The following NIPSNAP3B variants were observed in gnomAD, a reference collection of about 807,000 sequenced individuals.
NIPSNAP3B encodes the protein protein NipSnap homolog 3B.
A neutral mutation model predicts 31.5 loss-of-function variants in NIPSNAP3B; 30 were observed. The ratio of observed to expected loss-of-function variants is 0.95; its 90% CI spans 0.71 to 1.29. The LOEUF (loss-of-function observed/expected upper bound fraction) is 1.29. Among genes scored for constraint, NIPSNAP3B ranks in the 50% most tolerant of loss-of-function variants. NIPSNAP3B has a pLI of 0.00. For synonymous variants in NIPSNAP3B, 106 were observed against 107.9 expected (o/e 0.98, Z 0.11); for missense variants, 269 against 300.7 (o/e 0.89, Z 0.78).
Position 104,764,235 on chromosome 9 carries a change from C to A in NIPSNAP3B, c.-6C>A. The stretch of plus-strand genomic sequence containing the variant: ...TGGCTGCTTTTCTCAGTGCCGAAGC[C>A]GCGCCATGCTCGTTCTCAGAAGCGG... On this transcript the variant is annotated 5_prime_UTR_variant, in exon 1 of 6. Transcript: ENST00000374762. 1 of 1,601,278 alleles carries A rather than the reference C, an allele frequency of 6.2e-7. No individual in the cohort carries two copies. The highest frequency in any genetic ancestry group is 8.5e-7 in the Non-Finnish European group (1 of 1,175,706).
At chr9:104,786,177 A>T in the NIPSNAP3B span, 1 of 838,542 alleles carries the variant, frequency 1.2e-6, no homozygotes, top group Non-Finnish European at 2.0e-6. Flanking sequence ...CATTCTTTCC[A>T]CTATACTGTT....
Position 104,776,676 on chromosome 9 carries a change from A to ACAC in NIPSNAP3B, c.*3604_*3606dup, listed in dbSNP as rs1443465960. Among the ~76,000 whole-genome samples, 1 of 152,202 alleles carries ACAC rather than the reference A, an allele frequency of 6.6e-6. No individual in the cohort carries two copies. Among genetic ancestry groups the ACAC allele is most frequent in the Non-Finnish European group, 1.5e-5 (1 of 68,032 alleles). On this transcript the variant is annotated 3_prime_UTR_variant, in exon 6 of 6. Coordinates refer to ENST00000374762, the MANE Select transcript of NIPSNAP3B (RefSeq NM_018376.4). ...TCTTGTTACAGCAACCTGAACTAAG[A>ACAC]CACTATCCCTCTCCCCTGCTTTCTT...
chr9:104,778,094 G>T (rs1828375398), downstream of NIPSNAP3B, among the ~76,000 whole-genome samples: 1 of 151,926 alleles, frequency 6.6e-6, no homozygotes, highest in Non-Finnish European at 1.5e-5. Context: ...TCTCTCACTG[G>T]CCAGTCCCTC....
chr9:104,781,799 A>G (rs1032727777), downstream of NIPSNAP3B: 1 of 152,600 alleles, frequency 6.6e-6, no homozygotes, highest in Non-Finnish European at 1.5e-5. Context: ...AATTTCTGAA[A>G]CTCACATAGG....
the NIPSNAP3B span, chr9:104,785,734 G>A: frequency 2.0e-6 from 3 of 1,485,766 alleles, no homozygotes; most frequent in South Asian, 1.2e-5. Flanking sequence ...CATGAAAAAG[G>A]GCGGCCCCTG....
At chr9:104,784,813 T>C in the NIPSNAP3B span, among the ~76,000 whole-genome samples, 4 of 152,112 alleles carry the variant, frequency 2.6e-5, no homozygotes, top group Non-Finnish European at 5.9e-5. Context: ...CCAGCTAATT[T>C]TTGTATTTTT....
rs562364600 is a variant in NIPSNAP3B at position 104,773,596 on chromosome 9, A to T, written c.*523A>T. 1 of 152,452 alleles carries T rather than the reference A, an allele frequency of 6.6e-6. No individual in the cohort carries two copies. Among genetic ancestry groups the T allele is most frequent in the East Asian group, 1.9e-4 (1 of 5,202 alleles). 9.4% of individuals were successfully genotyped at this position (152,452 alleles called of 1,614,324 possible). A position where few individuals can be genotyped will look rare whatever the true frequency, so the allele number is the denominator to read the frequency against. On this transcript the variant is annotated 3_prime_UTR_variant, in exon 6 of 6. Coordinates refer to ENST00000374762, the MANE Select transcript of NIPSNAP3B (RefSeq NM_018376.4). ...TGTGGAAAAGTACAATGTCATCTGT[A>T]TTAATTATTGCTTTTACATTCATTG... is the stretch of plus-strand genomic sequence containing the variant.
chr9:104,775,273 C>T lies in NIPSNAP3B; in HGVS notation c.*2200C>T, dbSNP rs1828311866. Among the ~76,000 whole-genome samples the T allele has an allele frequency of 6.6e-6, 1 of 151,996 alleles. No individual in the cohort carries two copies. Among genetic ancestry groups the T allele is most frequent in the African/African-American group, 2.4e-5 (1 of 41,382 alleles). The stretch of plus-strand genomic sequence containing the variant: ...AAAGAGTAGTTCATACTTCCTGCCT[C>T]CATTTTCTTCCCTCACATTATCTCT... On this transcript the variant is annotated 3_prime_UTR_variant, in exon 6 of 6. Transcript: ENST00000374762.
chr9:104,773,932 C>T lies in NIPSNAP3B; in HGVS notation c.*859C>T, dbSNP rs984007537. 2.6e-5 allele frequency: 4 copies of T among 151,900 alleles called. No individual in the cohort carries two copies. The highest frequency in any genetic ancestry group is 9.7e-5 in the African/African-American group (4 of 41,344). The allele number at this position is 151,900 out of a possible 1,614,324, so 9.4% of individuals were successfully genotyped here. ...AGACAGTAATATAGTGATAATTTAC[C>T]AACTTTATTGAAAATGTTGTTACAT... On this transcript the variant is annotated 3_prime_UTR_variant, in exon 6 of 6. Transcript: ENST00000374762.
intron 2 of NIPSNAP3B, among the ~76,000 whole-genome samples, chr9:104,767,634 T>A (rs1268135411): frequency 1.3e-5 from 2 of 152,150 alleles, no homozygotes; most frequent in Non-Finnish European, 2.9e-5. Context: ...AGTTGAAACA[T>A]GTCCCATTGA....
chr9:104,786,226 T>C, the NIPSNAP3B span: 1 of 1,270,276 alleles, frequency 7.9e-7, no homozygotes, highest in Non-Finnish European at 1.1e-6. Context: ...GAGGCACCAT[T>C]TATATACTCA....
intron 1 of NIPSNAP3B, 27 bp from the exon 2 acceptor site, chr9:104,766,298 T>C (rs1828087675): frequency 1.3e-6 from 2 of 1,588,124 alleles, no homozygotes; most frequent in African/African-American, 1.3e-5. Context: ...CTTCCCAAGA[T>C]ATTTACATTT....
the NIPSNAP3B span, among the ~76,000 whole-genome samples, chr9:104,789,910 A>C: frequency 6.6e-6 from 1 of 152,158 alleles, no homozygotes; most frequent in Non-Finnish European, 1.5e-5. Flanking sequence ...TCTGGCCAAC[A>C]TGGTGAAACC....
chr9:104,768,801 C>A, intron 2 of NIPSNAP3B, 62 bp from the exon 3 acceptor site: 1 of 1,472,324 alleles, frequency 6.8e-7, no homozygotes, highest in South Asian at 1.3e-5. Flanking sequence ...GAGTAAAATT[C>A]AAGTAAAAAT....
the NIPSNAP3B span, chr9:104,788,705 C>G: frequency 8.9e-6 from 10 of 1,127,366 alleles, no homozygotes; most frequent in African/African-American, 1.4e-4. Flanking sequence ...GAAAGCACAG[C>G]CTTTCTGCCC....
intron 3 of NIPSNAP3B, 106 bp from the exon 4 acceptor site, chr9:104,770,743 A>T: frequency 1.1e-6 from 1 of 922,356 alleles, no homozygotes; most frequent in Non-Finnish European, 1.7e-6. Context: ...GTATACATGG[A>T]TTATCCTCTA....
At chr9:104,771,827 T>C (rs1204111801) in intron 4 of NIPSNAP3B, among the ~76,000 whole-genome samples, 1 of 152,226 alleles carries the variant, frequency 6.6e-6, no homozygotes, top group Non-Finnish European at 1.5e-5. Context: ...ATGGTTGAAC[T>C]AATTTACACT....
At chr9:104,784,133 C>T in the NIPSNAP3B span, 1 of 710,932 alleles carries the variant, frequency 1.4e-6, no homozygotes, top group Non-Finnish European at 2.3e-6. Context: ...AAAGGCACTG[C>T]CCCTGTAATG....
At position 104,775,254 on chromosome 9, in the gene NIPSNAP3B, T is replaced by C. The variant is rs1364230857; in HGVS notation, c.*2181T>C. Among the ~76,000 whole-genome samples, 1 of 150,598 alleles carries C rather than the reference T, an allele frequency of 6.6e-6. No homozygotes were observed. Among genetic ancestry groups the C allele is most frequent in the Admixed American group, 6.6e-5 (1 of 15,046 alleles). On this transcript the variant is annotated 3_prime_UTR_variant, in exon 6 of 6. Transcript: ENST00000374762. ...TCCTTTACAATATGACTCAAAAGAG[T>C]AGTTCATACTTCCTGCCTCCATTTT...
Sources: allele counts gnomAD v4.1 joint callset (sites outside exome capture counted in the v4.1 genomes callset), GRCh38; gene constraint gnomAD v4.1.1; transcripts MANE v1.5; gene names NCBI Gene and HGNC (gene_info 2026-07-23, HGNC 2026-07-21).